The following EXT2 variants were observed in gnomAD, a reference collection of about 807,000 sequenced individuals.
The protein encoded by EXT2 is exostosin glycosyltransferase 2.
Under a neutral mutation model 81.6 loss-of-function variants are expected in EXT2, and 53 were observed. That is an observed-to-expected ratio of 0.65 (90% CI 0.52 to 0.82). The LOEUF (loss-of-function observed/expected upper bound fraction) is 0.82, where lower values mean the gene tolerates loss of function less well. Among genes scored for constraint, EXT2 ranks in the 40% least tolerant of loss-of-function variants. EXT2 has a pLI of 0.00. For missense variants in EXT2, 774 were observed against 910.2 expected, an observed-to-expected ratio of 0.85 and a Z score of 1.93; for synonymous variants, 320 against 340.0, an observed-to-expected ratio of 0.94 and a Z score of 0.65.
intron 10 of EXT2, 90 bp from the exon 11 acceptor site, chr11:44,232,263 G>A: frequency 1.9e-6 from 3 of 1,543,868 alleles, no homozygotes; most frequent in Non-Finnish European, 2.7e-6. Context: ...TTTGAACCTA[G>A]GAAGTCTGTT....
chr11:44,177,033 G>T (rs867314236), intron 8 of EXT2, among the ~76,000 whole-genome samples: 103 of 152,042 alleles, frequency 6.8e-4, no homozygotes, highest in African/African-American at 2.4e-3. Flanking sequence ...GTAAAACTAG[G>T]GTGATGACAT....
intron 1 of EXT2, among the ~76,000 whole-genome samples, chr11:44,097,652 G>T (rs1201853273): frequency 1.3e-5 from 2 of 151,992 alleles, no homozygotes; most frequent in Non-Finnish European, 2.9e-5. Context: ...TTAGCTGGGT[G>T]TGGTAGCACA....
At chr11:44,124,088 C>G (rs1954357825) in intron 4 of EXT2, among the ~76,000 whole-genome samples, 1 of 152,198 alleles carries the variant, frequency 6.6e-6, no homozygotes, top group African/African-American at 2.4e-5. Flanking sequence ...TCTTTCTTCC[C>G]TCTGTTTTCT....
intron 8 of EXT2, among the ~76,000 whole-genome samples, chr11:44,186,921 A>G (rs1955319146): frequency 6.6e-6 from 1 of 152,112 alleles, no homozygotes; most frequent in African/African-American, 2.4e-5. Context: ...AGGCCATTGC[A>G]AAGGACATTT....
chr11:44,200,656 T>C (rs1052830336), intron 9 of EXT2, among the ~76,000 whole-genome samples: 1 of 152,178 alleles, frequency 6.6e-6, no homozygotes, highest in African/African-American at 2.4e-5. Context: ...TGAGCCGAGT[T>C]CTAGGACTGC....
At chr11:44,225,751 A>G (rs1270413352) in intron 10 of EXT2, among the ~76,000 whole-genome samples, 1 of 152,204 alleles carries the variant, frequency 6.6e-6, no homozygotes. Context: ...TTTAGACTTG[A>G]CCCAGCACTG....
intron 6 of EXT2, among the ~76,000 whole-genome samples, chr11:44,127,853 T>C (rs181485574): frequency 9.3e-4 from 141 of 152,342 alleles, no homozygotes; most frequent in African/African-American, 3.4e-3. Context: ...CTCATGTAGA[T>C]GAAAGCTTAG....
chr11:44,235,585 T>A (rs1332489046), intron 12 of EXT2, among the ~76,000 whole-genome samples: 1 of 152,150 alleles, frequency 6.6e-6, no homozygotes, highest in East Asian at 1.9e-4. Context: ...TGTTTTTAGC[T>A]GTGGCTGCTT....
chr11:44,164,499 CCCATTG>C (rs1400356625), intron 7 of EXT2, among the ~76,000 whole-genome samples: 1 of 152,192 alleles, frequency 6.6e-6, no homozygotes. Flanking sequence ...TATTGCTAAT[CCCATTG>C]CCTTTGCATT....
At chr11:44,142,361 CAG>C (rs1326225716) in intron 7 of EXT2, among the ~76,000 whole-genome samples, 2 of 152,204 alleles carry the variant, frequency 1.3e-5, no homozygotes, top group African/African-American at 4.8e-5. Flanking sequence ...TATCTTCACT[CAG>C]AGTACAAGAT....
At chr11:44,148,187 C>G (rs1194619092) in intron 7 of EXT2, among the ~76,000 whole-genome samples, 1 of 152,140 alleles carries the variant, frequency 6.6e-6, no homozygotes, top group Non-Finnish European at 1.5e-5. Flanking sequence ...AGAAAGAGAT[C>G]AGGAGTGAAT....
chr11:44,240,508 A>G (rs1479541540), intron 13 of EXT2, among the ~76,000 whole-genome samples: 1 of 152,114 alleles, frequency 6.6e-6, no homozygotes, highest in Non-Finnish European at 1.5e-5. Context: ...TCACTCTACA[A>G]TTGCACCTGT....
intron 7 of EXT2, among the ~76,000 whole-genome samples, chr11:44,152,849 G>A (rs1403347182): frequency 6.6e-6 from 1 of 152,104 alleles, no homozygotes; most frequent in Admixed American, 6.5e-5. Flanking sequence ...TATTTATGTA[G>A]GTCTGTGTCT....
At chr11:44,174,980 C>T (rs925592786) in intron 8 of EXT2, among the ~76,000 whole-genome samples, 3 of 152,134 alleles carry the variant, frequency 2.0e-5, no homozygotes, top group Non-Finnish European at 4.4e-5. Flanking sequence ...TCACAAAACA[C>T]CGTGTATCTT....
At chr11:44,136,842 CAG>C (rs1954574843) in intron 7 of EXT2, among the ~76,000 whole-genome samples, 1 of 152,178 alleles carries the variant, frequency 6.6e-6, no homozygotes, top group African/African-American at 2.4e-5. Context: ...TTCCCTTAAA[CAG>C]TGCACATTGA....
At chr11:44,159,741 T>C (rs191260147) in intron 7 of EXT2, among the ~76,000 whole-genome samples, 31 of 152,302 alleles carry the variant, frequency 2.0e-4, no homozygotes, top group East Asian at 1.9e-3. Flanking sequence ...CTCTGGGAAA[T>C]AGGCCTTCAA....
intron 9 of EXT2, among the ~76,000 whole-genome samples, chr11:44,205,088 C>T (rs895952222): frequency 1.3e-5 from 2 of 152,180 alleles, no homozygotes; most frequent in African/African-American, 4.8e-5. Context: ...GGTTCAAATA[C>T]TAGCCTTATC....
At chr11:44,219,582 A>C (rs2135234526) in intron 10 of EXT2, among the ~76,000 whole-genome samples, 1 of 152,344 alleles carries the variant, frequency 6.6e-6, no homozygotes, top group Admixed American at 6.5e-5. Flanking sequence ...CTGATAAGAA[A>C]TTAACTGCTT....
intron 10 of EXT2, among the ~76,000 whole-genome samples, chr11:44,213,070 A>G (rs956636119): frequency 3.9e-5 from 6 of 152,202 alleles, no homozygotes; most frequent in African/African-American, 1.4e-4. Flanking sequence ...TTGAAAAAAA[A>G]ATTGTGGGAT....
Sources: gnomAD v4.1 joint callset for allele counts (sites outside exome capture counted in the v4.1 genomes callset) on GRCh38, gnomAD v4.1.1 for gene constraint, MANE v1.5 for transcripts, NCBI Gene and HGNC (gene_info 2026-07-23, HGNC 2026-07-21) for gene names.